Variants in RYR3 observed in about 807,000 individuals in gnomAD.
The protein encoded by RYR3 is brain ryanodine receptor-calcium release channel.
Under a neutral mutation model 584.3 loss-of-function variants are expected in RYR3, and 207 were observed. The ratio of observed to expected loss-of-function variants is 0.35; its 90% CI spans 0.32 to 0.40. The LOEUF (loss-of-function observed/expected upper bound fraction) is 0.40, where lower values mean the gene tolerates loss of function less well. Among genes scored for constraint, RYR3 ranks in the 10% least tolerant of loss-of-function variants. The pLI, the probability that RYR3 is intolerant of heterozygous loss-of-function variation, is 1.00. For missense variants in RYR3, 5,616 were observed against 6,089.2 expected, an observed-to-expected ratio of 0.92 and a Z score of 2.59; for synonymous variants, 2,416 against 2,248.5, an observed-to-expected ratio of 1.07 and a Z score of -2.11.
chr15:33,822,267 C>T (rs1022001797), intron 80 of RYR3, among the ~76,000 whole-genome samples: 2 of 152,344 alleles, frequency 1.3e-5, no homozygotes, highest in East Asian at 1.9e-4. Flanking sequence ...TTCTCAGGCA[C>T]TCCGGGTTCT....
At chr15:33,827,496 C>CT (rs2077440708) in intron 85 of RYR3, among the ~76,000 whole-genome samples, 1 of 152,224 alleles carries the variant, frequency 6.6e-6, no homozygotes, top group Non-Finnish European at 1.5e-5. Flanking sequence ...ACCAAATCGT[C>CT]TGTTATGAAA....
rs1025849097 is a variant in RYR3, at chr15:33,539,567, C to A, written c.546+105C>A. Reference sequence around the variant, plus strand: ...ACAGCAGGTTGGATAGAATAAGATGCTTTTACATATATAGAGTTGACCCTT... The same window carrying A: ...ACAGCAGGTTGGATAGAATAAGATGATTTTACATATATAGAGTTGACCCTT... On this transcript the variant is annotated intron_variant, in intron 6 of 103. Coordinates refer to ENST00000634891, the MANE Select transcript of RYR3 (RefSeq NM_001036.6). The A allele has an allele frequency of 1.8e-4, 119 of 678,704 alleles. 1 individual carries two copies. In the South Asian group the frequency reaches 2.0e-3, roughly 11 times the overall value. The allele number at this position is 678,704 out of a possible 1,614,324, so 42.0% of individuals were successfully genotyped here.
intron 62 of RYR3, among the ~76,000 whole-genome samples, chr15:33,770,768 A>G (rs763705553): frequency 2.0e-5 from 3 of 152,128 alleles, no homozygotes; most frequent in Non-Finnish European, 2.9e-5. Flanking sequence ...GCCCATGAAT[A>G]CTTATAGGAT....
At chr15:33,809,011 C>G (rs757406820) in intron 70 of RYR3, among the ~76,000 whole-genome samples, 1 of 152,144 alleles carries the variant, frequency 6.6e-6, no homozygotes, top group African/African-American at 2.4e-5. Context: ...AAATTGCAGC[C>G]GCCACAAGTG....
chr15:33,761,131 G>T (rs1388428323), intron 60 of RYR3, among the ~76,000 whole-genome samples: 2 of 152,156 alleles, frequency 1.3e-5, no homozygotes, highest in Non-Finnish European at 2.9e-5. Context: ...AATACCAAAT[G>T]CCCACAGGAG....
chr15:33,611,213 A>G (rs2060167395), intron 18 of RYR3, among the ~76,000 whole-genome samples: 1 of 152,222 alleles, frequency 6.6e-6, no homozygotes, highest in African/African-American at 2.4e-5. Context: ...TTGAGATATA[A>G]TTAGTAGAAC....
At chr15:33,499,301 C>T (rs2051739812) in intron 2 of RYR3, among the ~76,000 whole-genome samples, 1 of 151,492 alleles carries the variant, frequency 6.6e-6, no homozygotes, top group African/African-American at 2.4e-5. Flanking sequence ...TCTCTCCCTC[C>T]TCCCCCTCCT....
At chr15:33,611,050 A>T (rs1042933922) in intron 18 of RYR3, among the ~76,000 whole-genome samples, 2 of 152,236 alleles carry the variant, frequency 1.3e-5, no homozygotes, top group African/African-American at 4.8e-5. Flanking sequence ...CTAAACTGGG[A>T]TTATAAATAT....
chr15:33,500,807 G>A (rs1435099639), intron 2 of RYR3, among the ~76,000 whole-genome samples: 1 of 152,198 alleles, frequency 6.6e-6, no homozygotes, highest in Non-Finnish European at 1.5e-5. Flanking sequence ...CATCAGGAGT[G>A]TGGAGGTGGG....
chr15:33,663,463 T>A (rs1469987848), intron 35 of RYR3, 74 bp from the exon 36 acceptor site: 1 of 1,289,206 alleles, frequency 7.8e-7, no homozygotes, highest in Non-Finnish European at 1.1e-6. Context: ...TCAGTGCTAC[T>A]GTCTGTAAAA....
Position 33,424,690 on chromosome 15 carries a change from G to T in RYR3, c.52-48729G>T, listed in dbSNP as rs375638871. On this transcript the variant is annotated intron_variant, in intron 1 of 103. Coordinates refer to ENST00000634891, the MANE Select transcript of RYR3 (RefSeq NM_001036.6). ...CTGGCATATATTGGACTGGGTCTAG[G>T]CTCACCTATCTCTGTTAGAGTGATT... 2.6e-5 allele frequency among the ~76,000 whole-genome samples: 4 copies of T among 152,156 alleles called. No individual in the cohort carries two copies. The East Asian group carries it at 7.7e-4, about 29-fold the overall frequency.
At chr15:33,850,729 AATT>A (rs2079044629) in intron 94 of RYR3, 1 of 152,166 alleles carries the variant, frequency 6.6e-6, no homozygotes, top group Admixed American at 6.5e-5. Flanking sequence ...TTTACAGTAT[AATT>A]ATAAACCAAA....
chr15:33,522,124 G>A (rs1188221145), intron 3 of RYR3, among the ~76,000 whole-genome samples: 2 of 150,542 alleles, frequency 1.3e-5, no homozygotes, highest in African/African-American at 4.9e-5. Flanking sequence ...CTAGCCAGGT[G>A]TGGTGGTGTG....
At chr15:33,400,400 T>G (rs905337743) in intron 1 of RYR3, among the ~76,000 whole-genome samples, 10 of 152,198 alleles carry the variant, frequency 6.6e-5, no homozygotes, top group Non-Finnish European at 1.5e-4. Flanking sequence ...GGCTGCTGTT[T>G]TGTAACTTTT....
At chr15:33,476,996 T>C (rs1240122995) in intron 2 of RYR3, among the ~76,000 whole-genome samples, 2 of 152,180 alleles carry the variant, frequency 1.3e-5, no homozygotes, top group Non-Finnish European at 2.9e-5. Context: ...CCCTTATTAC[T>C]AAATAGTTGC....
chr15:33,355,163 G>A (rs954903498), intron 1 of RYR3, among the ~76,000 whole-genome samples: 4 of 136,842 alleles, frequency 2.9e-5, no homozygotes, highest in Non-Finnish European at 6.1e-5. Context: ...CAGCCTGAGG[G>A]ACAAGAGTGA....
chr15:33,370,283 G>A (rs2040236379), intron 1 of RYR3, among the ~76,000 whole-genome samples: 2 of 152,172 alleles, frequency 1.3e-5, no homozygotes, highest in East Asian at 1.9e-4. Context: ...TACACACTCT[G>A]ACACGGTTTC....
At chr15:33,857,182 T>A (rs1173120092) in intron 98 of RYR3, among the ~76,000 whole-genome samples, 1 of 152,094 alleles carries the variant, frequency 6.6e-6, no homozygotes, top group African/African-American at 2.4e-5. Flanking sequence ...GCTATTTTGT[T>A]AAACAACAGA....
intron 14 of RYR3, among the ~76,000 whole-genome samples, chr15:33,583,642 G>C (rs1595708267): frequency 6.6e-6 from 1 of 152,178 alleles, no homozygotes; most frequent in Non-Finnish European, 1.5e-5. Context: ...GAAAGAGGTT[G>C]GGTGTGGTGG....
Sources: gnomAD v4.1 joint callset for allele counts (sites outside exome capture counted in the v4.1 genomes callset) on GRCh38, gnomAD v4.1.1 for gene constraint, MANE v1.5 for transcripts, NCBI Gene and HGNC (gene_info 2026-07-23, HGNC 2026-07-21) for gene names.